HERC1: variants seen among roughly 807,000 people sequenced by gnomAD.
The protein encoded by HERC1 is HECT and RLD domain containing E3 ubiquitin protein ligase family member 1, also known as probable E3 ubiquitin-protein ligase HERC1.
A neutral mutation model predicts 554.3 loss-of-function variants in HERC1; 160 were observed. That is an observed-to-expected ratio of 0.29 (90% CI 0.25 to 0.33). HERC1 has a LOEUF of 0.33. HERC1 is among the 10% of genes least tolerant of loss of function. The probability of loss-of-function intolerance (pLI) is 1.00; values close to 1 mark genes in which losing one functional copy is unlikely to be tolerated. For missense variants in HERC1, 4,919 were observed against 5,918.5 expected, an observed-to-expected ratio of 0.83 and a Z score of 5.54; for synonymous variants, 2,175 against 2,131.7, an observed-to-expected ratio of 1.02 and a Z score of -0.56.
intron 14 of HERC1, 97 bp from the exon 15 acceptor site, chr15:63,729,746 G>C: frequency 8.2e-7 from 1 of 1,224,526 alleles, no homozygotes; most frequent in Non-Finnish European, 1.2e-6. Flanking sequence ...ATATGGGCTG[G>C]GTGCGGTGAC....
chr15:63,788,808 T>C (rs949281462), intron 1 of HERC1, among the ~76,000 whole-genome samples: 4 of 150,418 alleles, frequency 2.7e-5, no homozygotes, highest in South Asian at 2.1e-4. Flanking sequence ...TCCCAGCTAC[T>C]TGGAGGCTGG....
At chr15:63,705,706 C>T (rs1047509225) in intron 25 of HERC1, among the ~76,000 whole-genome samples, 2 of 152,098 alleles carry the variant, frequency 1.3e-5, no homozygotes, top group Non-Finnish European at 2.9e-5. Flanking sequence ...CACATTTTCA[C>T]AACCACTTAA....
chr15:63,616,445 C>G lies in HERC1; in HGVS notation c.13926G>C (p.Glu4642Asp), dbSNP rs1430652391. ...CAGGATTTACCTCATGGAAACTCTC[C>G]TCGGTAATCCCACTGTCTTCAATGT... ...ILHIEDSGIT[E>D]ESFHEMIPLD... is the part of the protein sequence containing the mutation. The change falls in exon 75 of 78, where the codon GAG becomes GAC. Residue 4642 changes from glutamate to aspartate, a missense_variant. By Grantham distance (45) the Glu-to-Asp change is conservative. Around this residue, in one of 11 missense-constraint regions of HERC1, gnomAD observed 284 missense variants for 294.1 expected, o/e 0.97. Coordinates refer to ENST00000443617, the MANE Select transcript of HERC1 (RefSeq NM_003922.4). 1.2e-6 allele frequency: 2 copies of G among 1,613,538 alleles called. No individual in the cohort carries two copies. The highest frequency in any genetic ancestry group is 1.7e-6 in the Non-Finnish European group (2 of 1,179,658).
chr15:63,632,522 G>A, intron 68 of HERC1, 187 bp downstream of exon 68: 1 of 672,178 alleles, frequency 1.5e-6, no homozygotes, highest in Non-Finnish European at 2.7e-6. Flanking sequence ...AATGGGGAGG[G>A]GAGTTTGTCT....
Position 63,694,051 on chromosome 15 carries a change from A to C in HERC1, c.5587T>G (p.Ser1863Ala). The C allele has an allele frequency of 6.2e-7, 1 of 1,605,816 alleles. No individual in the cohort carries two copies. Among genetic ancestry groups the C allele is most frequent in the African/African-American group, 1.3e-5 (1 of 74,932 alleles). ...TCTTCTTGCTCCCCTTCTCCGAAAG[A>C]GGCCATATGTAGTACACCAGTTTGG... is the stretch of plus-strand genomic sequence containing the variant. ...LSQTGVLHMA[S>A]FGEGEQEDGE... The change falls in exon 30 of 78, where the codon TCT (serine) becomes GCT (alanine). Residue 1863 changes from serine to alanine, a missense_variant. Around this residue, in one of 11 missense-constraint regions of HERC1, gnomAD observed 1,121 missense variants for 1,244.0 expected, o/e 0.90. Coordinates refer to ENST00000443617, the MANE Select transcript of HERC1 (RefSeq NM_003922.4). This position sits in a 1 kb window ranked among gnomAD's most constrained non-coding sequence, Gnocchi z 4.3.
chr15:63,747,131 G>A, intron 11 of HERC1, 48 bp from the exon 12 acceptor site: 1 of 1,525,864 alleles, frequency 6.6e-7, no homozygotes, highest in Non-Finnish European at 8.9e-7. Context: ...AAAAGTGCCT[G>A]TGCTATCCAG....
chr15:63,771,188 CAA>C (rs944901135), intron 2 of HERC1, among the ~76,000 whole-genome samples: 1 of 137,178 alleles, frequency 7.3e-6, no homozygotes, highest in Non-Finnish European at 1.6e-5. Context: ...AACTCTACCT[CAA>C]AAAAAAAAAG....
At chr15:63,744,164 G>GTGTGTGTCTCTCTCTCTCTC in intron 12 of HERC1, among the ~76,000 whole-genome samples, 8 of 46,312 alleles carry the variant, frequency 1.7e-4, no homozygotes, top group South Asian at 1.3e-3. Context: ...GTGTGTGTGT[G>GTGTGTGTCTCTCTCTCTCTC]TCTCTCTCTC....
intron 74 of HERC1, among the ~76,000 whole-genome samples, chr15:63,617,471 G>A (rs1173211755): frequency 3.9e-5 from 6 of 152,148 alleles, no homozygotes; most frequent in Admixed American, 2.0e-4. Context: ...ATAAACATAC[G>A]TGTGCATGTG....
At chr15:63,671,704 A>G (rs922738421) in intron 39 of HERC1, among the ~76,000 whole-genome samples, 16 of 152,168 alleles carry the variant, frequency 1.1e-4, no homozygotes, top group African/African-American at 3.9e-4. Flanking sequence ...GGCCTTGGGC[A>G]CACCAAAAAT....
At chr15:63,707,723 G>A (rs531004733) in intron 24 of HERC1, among the ~76,000 whole-genome samples, 26 of 152,174 alleles carry the variant, frequency 1.7e-4, no homozygotes, top group African/African-American at 5.3e-4. Context: ...GAGGCCAGGA[G>A]TTCGAGACCA....
chr15:63,655,620 T>A (rs1566977977), intron 50 of HERC1, 122 bp downstream of exon 50: 1 of 688,880 alleles, frequency 1.5e-6, no homozygotes, highest in Non-Finnish European at 2.4e-6. Context: ...ATGCACTTCT[T>A]TTATGTTCTA....
Position 63,657,390 on chromosome 15 carries a change from A to C in HERC1, c.9600-1032T>G, listed in dbSNP as rs1233945339. ...GATTTTAATTTTCATTTCTCTGAAG[A>C]CTCACTGAGGTTGAACATCTTTTCA... On this transcript the variant is annotated intron_variant, in intron 48 of 77. Transcript: ENST00000443617. Among the ~76,000 whole-genome samples the C allele has an allele frequency of 2.0e-5, 3 of 150,362 alleles. No homozygotes were observed. The South Asian group carries it at 6.3e-4, about 32-fold the overall frequency.
chr15:63,721,729 G>A (rs1024114538), intron 19 of HERC1, among the ~76,000 whole-genome samples: 2 of 152,036 alleles, frequency 1.3e-5, no homozygotes, highest in African/African-American at 4.8e-5. Context: ...CAGGATAAGA[G>A]AATGACACAG....
rs778651512 is a variant in HERC1, at chr15:63,640,170, A to G, written c.11883T>C (p.Asp3961=). ...CATTTACCATTAGAAATACAAGTTCATCCTCTGGAACAGGTTCTAGATCTG... is the reference window on the plus strand; with the variant it reads ...CATTTACCATTAGAAATACAAGTTCGTCCTCTGGAACAGGTTCTAGATCTG... The part of the protein sequence containing the change: ...TVPDLEPVPE[D]ELVFLMDNSK... The change falls in exon 61 of 78, where the codon GAT becomes GAC. Residue 3961 remains aspartate (D), a synonymous_variant. Transcript: ENST00000443617. 1 of 1,613,776 alleles carries G rather than the reference A, an allele frequency of 6.2e-7. No individual in the cohort carries two copies. The highest frequency in any genetic ancestry group is 1.1e-5 in the South Asian group (1 of 91,084).
chr15:63,609,655 C>A (rs555637152), intron 77 of HERC1, among the ~76,000 whole-genome samples: 1 of 152,068 alleles, frequency 6.6e-6, no homozygotes. Context: ...GCAGGGATGC[C>A]CCCACAGAGC....
intron 1 of HERC1, among the ~76,000 whole-genome samples, chr15:63,804,372 G>A (rs1397288561): frequency 6.6e-6 from 1 of 151,972 alleles, no homozygotes; most frequent in East Asian, 1.9e-4. Context: ...GATCACCTGA[G>A]GTCAGGAGTT....
Position 63,648,098 on chromosome 15 carries a change from C to G in HERC1, c.10849G>C (p.Gly3617Arg), listed in dbSNP as rs1299405052. ...TGTGCATCAATTAGAACAATGCCTC[C>G]TTTCTCAAGTGGTTCCTTTGTTCCC... Reference protein sequence around the residue: ...LLGTKEPLEKGGIVLIDAHKD... With the variant: ...LLGTKEPLEKRGIVLIDAHKD... The change falls in exon 55 of 78, where the codon GGA (glycine) becomes CGA (arginine). Residue 3617 changes from glycine (G) to arginine (R), a missense_variant. By Grantham distance (125) the Gly-to-Arg change is moderately radical. Around this residue, in one of 11 missense-constraint regions of HERC1, gnomAD observed 1,963 missense variants for 2,228.6 expected, o/e 0.88. Transcript: ENST00000443617. 1.9e-6 allele frequency: 3 copies of G among 1,564,200 alleles called. No homozygotes were observed. The highest frequency in any genetic ancestry group is 1.9e-5 in the Admixed American group (1 of 52,158).
intron 24 of HERC1, among the ~76,000 whole-genome samples, chr15:63,710,153 T>A (rs1488804739): frequency 2.0e-5 from 3 of 152,190 alleles, no homozygotes; most frequent in Admixed American, 6.5e-5. Flanking sequence ...GGCAGTGCAG[T>A]CACTCCTAGA....
Sources: gnomAD v4.1 joint callset for allele counts (sites outside exome capture counted in the v4.1 genomes callset) on GRCh38, gnomAD v4.1.1 for gene constraint, gnomAD v4.1.1 regional missense constraint, Gnocchi (gnomAD v3.1) non-coding constraint, MANE v1.5 for transcripts, NCBI Gene and HGNC (gene_info 2026-07-23, HGNC 2026-07-21) for gene names.